The following BBS9 variants were observed in gnomAD, a reference collection of about 807,000 sequenced individuals.
BBS9 encodes protein PTHB1.
A neutral mutation model predicts 117.7 loss-of-function variants in BBS9; 89 were observed. That is an observed-to-expected ratio of 0.76 (90% CI 0.64 to 0.90). The LOEUF (loss-of-function observed/expected upper bound fraction) is 0.90, where lower values mean the gene tolerates loss of function less well. BBS9 is among the 40% of genes least tolerant of loss of function. BBS9 has a pLI of 0.00. For missense variants in BBS9, 982 were observed against 1,042.2 expected, an observed-to-expected ratio of 0.94 and a Z score of 0.80; for synonymous variants, 379 against 370.9, an observed-to-expected ratio of 1.02 and a Z score of -0.25.
At chr7:33,458,000 T>C (rs1000185027) in intron 19 of BBS9, among the ~76,000 whole-genome samples, 1 of 152,194 alleles carries the variant, frequency 6.6e-6, no homozygotes, top group African/African-American at 2.4e-5. Context: ...TCTAGTCTTT[T>C]AGCTCTGAGA....
At chr7:33,544,877 G>C (rs1244029063) in intron 21 of BBS9, among the ~76,000 whole-genome samples, 1 of 152,086 alleles carries the variant, frequency 6.6e-6, no homozygotes, top group African/African-American at 2.4e-5. Flanking sequence ...TGCAGCTGCT[G>C]TCTGGGATGG....
chr7:33,210,192 G>T (rs1202604178), intron 5 of BBS9, among the ~76,000 whole-genome samples: 2 of 151,390 alleles, frequency 1.3e-5, no homozygotes, highest in Non-Finnish European at 3.0e-5. Context: ...CCATGTATTT[G>T]TATAGTTTCC....
intron 5 of BBS9, among the ~76,000 whole-genome samples, chr7:33,239,267 A>T (rs1018502305): frequency 1.3e-5 from 2 of 152,194 alleles, no homozygotes; most frequent in African/African-American, 4.8e-5. Flanking sequence ...TACGCTAAGG[A>T]TTTAAACTAA....
intron 9 of BBS9, among the ~76,000 whole-genome samples, chr7:33,329,150 A>G (rs934558170): frequency 5.3e-5 from 8 of 152,068 alleles, no homozygotes; most frequent in African/African-American, 1.7e-4. Context: ...CCTCCTGCCT[A>G]TCTGGGATTA....
At chr7:33,230,384 G>C (rs1792122477) in intron 5 of BBS9, among the ~76,000 whole-genome samples, 1 of 152,050 alleles carries the variant, frequency 6.6e-6, no homozygotes, top group African/African-American at 2.4e-5. Flanking sequence ...ATAGTTCCTG[G>C]TCTTATATTT....
chr7:33,568,315 G>C (rs1274999034), intron 21 of BBS9, among the ~76,000 whole-genome samples: 4 of 152,052 alleles, frequency 2.6e-5, no homozygotes. Context: ...TAATTTCTCA[G>C]CATGCATGAT....
chr7:33,542,773 G>A (rs1483215628), intron 21 of BBS9, among the ~76,000 whole-genome samples: 7 of 133,558 alleles, frequency 5.2e-5, no homozygotes, highest in Non-Finnish European at 9.6e-5. Flanking sequence ...GTATATGTGA[G>A]TATATATATA....
intron 19 of BBS9, among the ~76,000 whole-genome samples, chr7:33,503,534 G>C (rs1845737077): frequency 3.7e-5 from 2 of 54,678 alleles, no homozygotes; most frequent in South Asian, 1.4e-3. Flanking sequence ...TTGCCTCCTT[G>C]ACTGATTTTC....
chr7:33,285,721 T>C (rs1276696959), intron 9 of BBS9, among the ~76,000 whole-genome samples: 3 of 152,202 alleles, frequency 2.0e-5, no homozygotes, highest in African/African-American at 4.8e-5. Context: ...TACACTACTT[T>C]CATAAACTGT....
At chr7:33,349,474 G>C (rs2128662607) in intron 13 of BBS9, 1 of 393,274 alleles carries the variant, frequency 2.5e-6, no homozygotes, top group African/African-American at 2.1e-5. Context: ...ATTCTCATTG[G>C]CCCAGACTGG....
chr7:33,359,511 G>T (rs1416209991), intron 16 of BBS9, among the ~76,000 whole-genome samples: 1 of 151,968 alleles, frequency 6.6e-6, no homozygotes, highest in East Asian at 1.9e-4. Flanking sequence ...TTAGGAATGG[G>T]ACACAATGAC....
Position 33,388,134 on chromosome 7 carries a change from C to T in BBS9, c.2105C>T (p.Thr702Ile). 2 of 1,614,104 alleles carry T rather than the reference C, an allele frequency of 1.2e-6. No homozygotes were observed. The highest frequency in any genetic ancestry group is 1.7e-6 in the Non-Finnish European group (2 of 1,179,978). The change falls in exon 19 of 23, where the codon ACC becomes ATC. Residue 702 changes from threonine to isoleucine, a missense_variant. By Grantham distance (89) the Thr-to-Ile change is moderately conservative (BLOSUM62 -1). Transcript: ENST00000242067. ...CACCTGGACACCTTGTTAGATGGAA[C>T]CTACAAGCAGGTCAGTATAATATCA... Reference protein sequence around the residue: ...LQHLDTLLDGTYKQVIALADA... With the variant: ...LQHLDTLLDGIYKQVIALADA...
intron 17 of BBS9, among the ~76,000 whole-genome samples, chr7:33,370,215 T>C (rs2128719726): frequency 6.6e-6 from 1 of 152,102 alleles, no homozygotes; most frequent in Admixed American, 6.5e-5. Context: ...CCCAACACTT[T>C]GGGAGGCCAA....
chr7:33,363,846 A>T (rs1821113726), intron 16 of BBS9, among the ~76,000 whole-genome samples: 1 of 151,976 alleles, frequency 6.6e-6, no homozygotes, highest in Non-Finnish European at 1.5e-5. Flanking sequence ...GGTGGATTAC[A>T]TTGATTAATT....
chr7:33,629,854 AT>A lies in BBS9; in HGVS notation c.2522-5321del, dbSNP rs1246468921. On this transcript the variant is annotated intron_variant, in intron 21 of 21. Coordinates refer to the BBS9 transcript ENST00000671952. ...TGTATCAGCAAATTAAACTTCAATA[AT>A]TACACTTGCTACTGTGGTTACCTCT... Among the ~76,000 whole-genome samples the A allele has an allele frequency of 2.6e-5, 4 of 152,180 alleles. No individual in the cohort carries two copies. In the East Asian group the frequency reaches 7.7e-4, roughly 29 times the overall value.
intron 9 of BBS9, among the ~76,000 whole-genome samples, chr7:33,282,726 T>G (rs934798849): frequency 2.0e-5 from 3 of 152,162 alleles, no homozygotes; most frequent in African/African-American, 7.2e-5. Context: ...AAGAAATAGC[T>G]GAAGTGGAAG....
At chr7:33,428,522 T>C (rs974727321) in intron 19 of BBS9, among the ~76,000 whole-genome samples, 1 of 152,122 alleles carries the variant, frequency 6.6e-6, no homozygotes, top group Non-Finnish European at 1.5e-5. Flanking sequence ...AAACAGGAGA[T>C]AATTATTCTT....
intron 16 of BBS9, among the ~76,000 whole-genome samples, chr7:33,358,820 A>G (rs10267370): frequency 0.03 from 4,502 of 152,024 alleles, 250 homozygotes; most frequent in East Asian, 0.27. Context: ...AAGATTTAGG[A>G]TACAAACAAT....
At chr7:33,562,796 C>T (rs1324387675) in intron 21 of BBS9, among the ~76,000 whole-genome samples, 2 of 152,018 alleles carry the variant, frequency 1.3e-5, no homozygotes, top group East Asian at 1.9e-4. Context: ...TGGTGGCACG[C>T]GCCTGTAGTC....
Sources: allele counts gnomAD v4.1 joint callset (sites outside exome capture counted in the v4.1 genomes callset), GRCh38; gene constraint gnomAD v4.1.1; transcripts MANE v1.5; gene names NCBI Gene and HGNC (gene_info 2026-07-23, HGNC 2026-07-21).